JARID2: variants seen among roughly 807,000 people sequenced by gnomAD.
The protein encoded by JARID2 is protein Jumonji.
A neutral mutation model predicts 125.6 loss-of-function variants in JARID2; 21 were observed. That is an observed-to-expected ratio of 0.17 (90% CI 0.12 to 0.24). The LOEUF is 0.24. Among genes scored for constraint, JARID2 ranks in the 10% least tolerant of loss-of-function variants. JARID2 has a pLI of 1.00. For synonymous variants in JARID2, 736 were observed against 661.6 expected, an observed-to-expected ratio of 1.11 and a Z score of -1.73; for missense variants, 1,303 against 1,639.6, an observed-to-expected ratio of 0.79 and a Z score of 3.55.
In JARID2 at chr6:15,436,779, G is replaced by GT. The variant is rs1422117528; in HGVS notation, c.324-15226dup. Reference sequence around the variant, plus strand: ...CCAGCAATCTTTTCTGTTTCTAGTGGTGTGGACTCCTGCTTGGAAGGCTTT... The same window carrying GT: ...CCAGCAATCTTTTCTGTTTCTAGTGGTTGTGGACTCCTGCTTGGAAGGCTTT... On this transcript the variant is annotated intron_variant, in intron 3 of 17. Coordinates refer to ENST00000341776, the MANE Select transcript of JARID2 (RefSeq NM_004973.4). Among the ~76,000 whole-genome samples the GT allele has an allele frequency of 2.0e-5, 3 of 151,960 alleles. No individual in the cohort carries two copies. The East Asian group carries it at 5.8e-4, about 29-fold the overall frequency.
chr6:15,260,075 T>C (rs902274452), intron 1 of JARID2, among the ~76,000 whole-genome samples: 16 of 152,244 alleles, frequency 1.1e-4, no homozygotes, highest in African/African-American at 3.6e-4. Context: ...ACAGATCTTT[T>C]AATCTGAAAG....
intron 2 of JARID2, among the ~76,000 whole-genome samples, chr6:15,382,381 T>A (rs1022896714): frequency 4.6e-5 from 7 of 152,190 alleles, no homozygotes; most frequent in Non-Finnish European, 1.0e-4. Context: ...CCATGAGCCT[T>A]GCAAAGGGGT....
At chr6:15,328,078 TG>T (rs890986039) in intron 1 of JARID2, among the ~76,000 whole-genome samples, 11 of 152,140 alleles carry the variant, frequency 7.2e-5, no homozygotes, top group Admixed American at 2.6e-4. Context: ...CAATAAATAT[TG>T]GTGCAATGGA....
chr6:15,465,467 T>C (rs1027550190), intron 4 of JARID2, among the ~76,000 whole-genome samples: 1 of 151,558 alleles, frequency 6.6e-6, no homozygotes, highest in Non-Finnish European at 1.5e-5. Context: ...TATCTTATCC[T>C]TTGTAGATAT....
intron 1 of JARID2, among the ~76,000 whole-genome samples, chr6:15,365,620 C>CTT (rs111881842): frequency 3.2e-4 from 47 of 145,566 alleles, no homozygotes; most frequent in Middle Eastern, 3.5e-3. Context: ...TCAGCTGCAG[C>CTT]TTTTTTTTTT....
At chr6:15,415,092 G>GTGGAC (rs1340990245) in intron 3 of JARID2, among the ~76,000 whole-genome samples, 1 of 152,206 alleles carries the variant, frequency 6.6e-6, no homozygotes, top group Admixed American at 6.5e-5. Flanking sequence ...TTAACCCTGA[G>GTGGAC]TGGACACAGC....
chr6:15,482,523 T>C (rs533215990), intron 5 of JARID2, among the ~76,000 whole-genome samples: 4 of 152,256 alleles, frequency 2.6e-5, no homozygotes, highest in Non-Finnish European at 5.9e-5. Flanking sequence ...CAAAAACTTA[T>C]TAAGAGTTAC....
At chr6:15,358,790 A>G (rs914162351) in intron 1 of JARID2, among the ~76,000 whole-genome samples, 1 of 152,214 alleles carries the variant, frequency 6.6e-6, no homozygotes, top group African/African-American at 2.4e-5. Context: ...TTTAACGCGT[A>G]CCAGTCTTGA....
intron 5 of JARID2, among the ~76,000 whole-genome samples, chr6:15,477,521 T>G (rs1436790773): frequency 1.3e-5 from 2 of 151,110 alleles, no homozygotes; most frequent in African/African-American, 4.9e-5. Flanking sequence ...TTTTTTTTTT[T>G]TTTTAAGAGC....
chr6:15,269,921 C>A (rs144952247), intron 1 of JARID2, among the ~76,000 whole-genome samples: 12 of 152,132 alleles, frequency 7.9e-5, no homozygotes, highest in Non-Finnish European at 1.3e-4. Context: ...TGGTTAGCTT[C>A]GCTGCAACCT....
At chr6:15,389,825 T>TA (rs2127539778) in intron 2 of JARID2, among the ~76,000 whole-genome samples, 1 of 152,338 alleles carries the variant, frequency 6.6e-6, no homozygotes, top group South Asian at 2.1e-4. Flanking sequence ...TTTATGGTAA[T>TA]ATGATGGTAT....
At chr6:15,379,105 A>G (rs1006010621) in intron 2 of JARID2, among the ~76,000 whole-genome samples, 1 of 152,072 alleles carries the variant, frequency 6.6e-6, no homozygotes, top group Non-Finnish European at 1.5e-5. Flanking sequence ...GTCGTTTTTC[A>G]TGTCATAAAA....
intron 2 of JARID2, among the ~76,000 whole-genome samples, chr6:15,384,122 A>C (rs984299297): frequency 1.3e-5 from 2 of 152,016 alleles, no homozygotes; most frequent in African/African-American, 2.4e-5. Context: ...TTTTAGAGAT[A>C]GGATTTTCTT....
Position 15,399,833 on chromosome 6 carries a change from T to C in JARID2, c.182-10391T>C, listed in dbSNP as rs201230863. 2.6e-5 allele frequency among the ~76,000 whole-genome samples: 4 copies of C among 152,242 alleles called. No individual in the cohort carries two copies. The East Asian group carries it at 7.7e-4, about 29-fold the overall frequency. On this transcript the variant is annotated intron_variant, in intron 2 of 17. Transcript: ENST00000341776. ...CATCTGAGGAAAACTTCCAGTGCCATGTGGACTTGGCCACCATCTTCCTCC... is the reference window on the plus strand; with the variant it reads ...CATCTGAGGAAAACTTCCAGTGCCACGTGGACTTGGCCACCATCTTCCTCC...
chr6:15,333,817 A>G (rs369766318), intron 1 of JARID2, among the ~76,000 whole-genome samples: 1 of 152,230 alleles, frequency 6.6e-6, no homozygotes, highest in Non-Finnish European at 1.5e-5. Flanking sequence ...ATTATGCATG[A>G]TCAGGAATGA....
intron 1 of JARID2, among the ~76,000 whole-genome samples, chr6:15,260,409 A>G (rs1286355566): frequency 2.0e-5 from 3 of 152,222 alleles, no homozygotes; most frequent in Non-Finnish European, 4.4e-5. Context: ...GCTGGAATCT[A>G]AAAGGTGGCT....
At chr6:15,255,379 A>G (rs1759624543) in intron 1 of JARID2, among the ~76,000 whole-genome samples, 2 of 152,150 alleles carry the variant, frequency 1.3e-5, no homozygotes, top group South Asian at 4.1e-4. Context: ...CTGGGATTAC[A>G]GGCGTGAGCC....
chr6:15,440,938 C>A (rs537155625), intron 3 of JARID2, among the ~76,000 whole-genome samples: 37 of 152,252 alleles, frequency 2.4e-4, no homozygotes, highest in African/African-American at 8.9e-4. Context: ...GACTTCACTC[C>A]GCATTTTTGT....
intron 1 of JARID2, among the ~76,000 whole-genome samples, chr6:15,325,863 T>C (rs1016362365): frequency 6.6e-6 from 1 of 152,196 alleles, no homozygotes; most frequent in Non-Finnish European, 1.5e-5. Context: ...AATTGAGTTA[T>C]GAGAACTGTG....
Sources: allele counts gnomAD v4.1 joint callset (sites outside exome capture counted in the v4.1 genomes callset), GRCh38; gene constraint gnomAD v4.1.1; transcripts MANE v1.5; gene names NCBI Gene and HGNC (gene_info 2026-07-23, HGNC 2026-07-21).